DPP10: variants seen among roughly 807,000 people sequenced by gnomAD.
DPP10 encodes the protein dipeptidyl peptidase like 10.
In DPP10, 33 loss-of-function variants were observed where a neutral mutation model predicts 120.9. The ratio of observed to expected loss-of-function variants is 0.27; its 90% confidence interval spans 0.21 to 0.37. The LOEUF (loss-of-function observed/expected upper bound fraction) is 0.37, where lower values mean the gene tolerates loss of function less well. Among genes scored for constraint, DPP10 ranks in the 10% least tolerant of loss-of-function variants. DPP10 has a pLI of 1.00. For missense variants in DPP10, 816 were observed against 942.8 expected (o/e 0.87, Z 1.76); for synonymous variants, 337 against 326.1 (o/e 1.03, Z -0.36).
intron 1 of DPP10, among the ~76,000 whole-genome samples, chr2:114,845,104 C>A (rs1050805893): frequency 2.6e-5 from 4 of 152,206 alleles, no homozygotes; most frequent in East Asian, 1.9e-4. Context: ...TATCAGGCTG[C>A]GTCATGTGAT....
At chr2:114,975,624 C>G (rs1337233346) in intron 1 of DPP10, among the ~76,000 whole-genome samples, 1 of 152,098 alleles carries the variant, frequency 6.6e-6, no homozygotes, top group East Asian at 1.9e-4. Context: ...TTTTTAAAAT[C>G]AGTGAACAAT....
intron 2 of DPP10, among the ~76,000 whole-genome samples, chr2:115,323,798 T>A (rs544738021): frequency 6.6e-6 from 1 of 152,252 alleles, no homozygotes; most frequent in East Asian, 1.9e-4. Context: ...TTTTTATGAG[T>A]AGTAAGTCTC....
intron 1 of DPP10, among the ~76,000 whole-genome samples, chr2:114,935,876 TA>T (rs397698575): frequency 6.6e-6 from 1 of 151,900 alleles, no homozygotes; most frequent in Non-Finnish European, 1.5e-5. Context: ...TTTTTTTTTT[TA>T]AATCAGTATC....
chr2:114,968,680 T>C (rs2104772205), intron 1 of DPP10, among the ~76,000 whole-genome samples: 1 of 152,356 alleles, frequency 6.6e-6, no homozygotes, highest in East Asian at 1.9e-4. Flanking sequence ...TTTATGAATA[T>C]GTTAAATAAC....
At chr2:115,148,438 T>C (rs771009774) in intron 1 of DPP10, among the ~76,000 whole-genome samples, 1 of 152,156 alleles carries the variant, frequency 6.6e-6, no homozygotes, top group Non-Finnish European at 1.5e-5. Flanking sequence ...TGAGGAGGTC[T>C]AAAAGAATAA....
At chr2:115,801,429 C>CT (rs1685225447) in intron 19 of DPP10, among the ~76,000 whole-genome samples, 1 of 152,074 alleles carries the variant, frequency 6.6e-6, no homozygotes, top group African/African-American at 2.4e-5. Flanking sequence ...CCCTTTATTC[C>CT]TTTGTCGTGC....
intron 19 of DPP10, among the ~76,000 whole-genome samples, chr2:115,805,595 A>T (rs1339394893): frequency 7.1e-6 from 1 of 141,620 alleles, no homozygotes; most frequent in African/African-American, 2.8e-5. Context: ...TTTTTTTGAG[A>T]CGCAGTCTCA....
intron 1 of DPP10, among the ~76,000 whole-genome samples, chr2:114,480,674 A>T (rs558583100): frequency 1.7e-4 from 22 of 128,302 alleles, no homozygotes; most frequent in Non-Finnish European, 2.8e-4. Context: ...ACATGGACAC[A>T]GGAAGGGGAA....
intron 1 of DPP10, among the ~76,000 whole-genome samples, chr2:114,644,342 CTGTG>C (rs370038985): frequency 0.031 from 4,462 of 143,274 alleles, 314 homozygotes; most frequent in African/African-American, 0.11. Flanking sequence ...CTGTGTGTGT[CTGTG>C]TGTGTGTGTG....
At chr2:114,854,324 A>G (rs185490248) in intron 1 of DPP10, among the ~76,000 whole-genome samples, 1 of 152,340 alleles carries the variant, frequency 6.6e-6, no homozygotes, top group African/African-American at 2.4e-5. Flanking sequence ...ACCTCTACTA[A>G]TTACAACCCA....
chr2:115,060,438 C>T (rs1016132920), intron 1 of DPP10, among the ~76,000 whole-genome samples: 4 of 151,952 alleles, frequency 2.6e-5, no homozygotes, highest in African/African-American at 4.8e-5. Context: ...ATAAAATATA[C>T]GAAAATTAGC....
chr2:114,642,384 C>T (rs375320706), intron 1 of DPP10, among the ~76,000 whole-genome samples: 14 of 152,008 alleles, frequency 9.2e-5, no homozygotes, highest in African/African-American at 2.7e-4. Context: ...AATACAGGTG[C>T]GCTGACTTCA....
At chr2:115,134,675 T>A (rs2050555718) in intron 1 of DPP10, among the ~76,000 whole-genome samples, 3 of 151,814 alleles carry the variant, frequency 2.0e-5, no homozygotes, top group Non-Finnish European at 4.4e-5. Context: ...ATCAGAGTAA[T>A]AGCATAATGG....
chr2:115,221,819 T>C (rs2057186675), intron 1 of DPP10, among the ~76,000 whole-genome samples: 1 of 148,752 alleles, frequency 6.7e-6, no homozygotes, highest in African/African-American at 2.5e-5. Context: ...AAGATATTTC[T>C]GGAAGCAAAA....
At chr2:115,152,535 TTCTTC>T (rs904952589) in intron 1 of DPP10, among the ~76,000 whole-genome samples, 1 of 152,228 alleles carries the variant, frequency 6.6e-6, no homozygotes, top group Admixed American at 6.5e-5. Flanking sequence ...AAGGAGATCC[TTCTTC>T]TCTTGTTATG....
At chr2:115,405,572 C>T (rs1300925953) in intron 3 of DPP10, among the ~76,000 whole-genome samples, 1 of 152,154 alleles carries the variant, frequency 6.6e-6, no homozygotes, top group Non-Finnish European at 1.5e-5. Context: ...TCTGTGCTGA[C>T]TCTGCCACTG....
At chr2:115,482,562 A>T (rs2075506667) in intron 3 of DPP10, among the ~76,000 whole-genome samples, 2 of 151,934 alleles carry the variant, frequency 1.3e-5, no homozygotes, top group South Asian at 2.1e-4. Context: ...TCTAGCAATC[A>T]CTAATCTACT....
chr2:114,589,980 C>A (rs1177353567), intron 1 of DPP10, among the ~76,000 whole-genome samples: 4 of 151,686 alleles, frequency 2.6e-5, no homozygotes, highest in Admixed American at 6.6e-5. Context: ...CAGATATGAC[C>A]CTAATTCTTT....
intron 1 of DPP10, among the ~76,000 whole-genome samples, chr2:115,086,209 T>C (rs1181741676): frequency 6.6e-6 from 1 of 152,160 alleles, no homozygotes; most frequent in African/African-American, 2.4e-5. Flanking sequence ...AAGATCTGAA[T>C]AGGAAACATT....
Sources: allele counts gnomAD v4.1 joint callset (sites outside exome capture counted in the v4.1 genomes callset), GRCh38; gene constraint gnomAD v4.1.1; transcripts MANE v1.5; gene names NCBI Gene and HGNC (gene_info 2026-07-23, HGNC 2026-07-21).